The following KIAA0513 variants were observed in gnomAD, a reference collection of about 807,000 sequenced individuals.
KIAA0513 encodes KIAA0513, also known as uncharacterized protein KIAA0513.
A neutral mutation model predicts 56.5 loss-of-function variants in KIAA0513; 39 were observed. The ratio of observed to expected loss-of-function variants is 0.69; its 90% CI spans 0.53 to 0.90. The LOEUF (loss-of-function observed/expected upper bound fraction) is 0.90, where lower values mean the gene tolerates loss of function less well. KIAA0513 is among the 40% of genes least tolerant of loss of function. The pLI is 0.00. For synonymous variants in KIAA0513, 268 were observed against 215.6 expected (o/e 1.24, Z -2.13); for missense variants, 591 against 535.2 (o/e 1.10, Z -1.03).
intron 1 of KIAA0513, among the ~76,000 whole-genome samples, chr16:85,047,497 C>A (rs923399917): frequency 6.6e-6 from 1 of 152,150 alleles, no homozygotes; most frequent in African/African-American, 2.4e-5. Flanking sequence ...GAAGAGGACA[C>A]GGAGAAAAAA....
intron 1 of KIAA0513, among the ~76,000 whole-genome samples, chr16:85,056,719 A>G (rs2073335750): frequency 1.3e-5 from 2 of 152,058 alleles, no homozygotes; most frequent in Admixed American, 6.5e-5. Flanking sequence ...TCTTGTTTTG[A>G]GGTGGGGTCT....
chr16:85,043,372 G>C (rs1421145244), intron 1 of KIAA0513, among the ~76,000 whole-genome samples: 1 of 150,492 alleles, frequency 6.6e-6, no homozygotes, highest in Non-Finnish European at 1.5e-5. Flanking sequence ...GGCATGAGAT[G>C]GCAGGGTTTG....
At position 85,075,195 on chromosome 16, in the gene KIAA0513, A is replaced by G. The variant is rs796306563; in HGVS notation, c.504-649A>G. On this transcript the variant is annotated intron_variant, in intron 4 of 12. Transcript: ENST00000683363. Reference sequence around the variant, plus strand: ...TACTAGTTTAGTTGATTAGTTTTTTATATAAAAAGATAAAAATGGCCTTTA... The same window carrying G: ...TACTAGTTTAGTTGATTAGTTTTTTGTATAAAAAGATAAAAATGGCCTTTA... Among the ~76,000 whole-genome samples, 13 of 148,566 alleles carry G rather than the reference A, an allele frequency of 8.8e-5. 1 individual carries two copies. Among genetic ancestry groups the G allele is most frequent in the African/African-American group, 3.2e-4 (13 of 40,264 alleles).
At chr16:85,040,891 G>A (rs550209916) in intron 1 of KIAA0513, among the ~76,000 whole-genome samples, 1 of 152,156 alleles carries the variant, frequency 6.6e-6, no homozygotes, top group African/African-American at 2.4e-5. Context: ...ATTTAGATAC[G>A]CTTGAAGCAA....
rs1567548991 is a variant in KIAA0513 at position 85,087,159 on chromosome 16, G to C, written c.1179G>C (p.Leu393=). 1.2e-6 allele frequency: 2 copies of C among 1,613,764 alleles called. No homozygotes were observed. The highest frequency in any genetic ancestry group is 1.3e-5 in the African/African-American group (1 of 75,054). ...FLKKQAVIGN[L]DEEQYKLLSD... ...AGAAGCAGGCTGTGATTGGCAACCTGGATGAAGGTGCGTCTGGGGGAGGCT... is the reference window on the plus strand; with the variant it reads ...AGAAGCAGGCTGTGATTGGCAACCTCGATGAAGGTGCGTCTGGGGGAGGCT... Residue 393 remains leucine (L), a synonymous_variant, in exon 12 of 13, where the codon CTG becomes CTC. Transcript: ENST00000683363.
At position 85,087,448 on chromosome 16, in the gene KIAA0513, C is replaced by T. The variant is rs569519568; in HGVS notation, c.1186+282C>T. Among the ~76,000 whole-genome samples, 61 of 152,304 alleles carry T rather than the reference C, an allele frequency of 4.0e-4. 1 individual carries two copies. In the South Asian group the frequency reaches 9.7e-3, roughly 24 times the overall value. On this transcript the variant is annotated intron_variant, in intron 12 of 12. Coordinates refer to ENST00000683363, the MANE Select transcript of KIAA0513 (RefSeq NM_001388359.1). The stretch of plus-strand genomic sequence containing the variant: ...AGTCAGGGCAGAGGAAGAAGGGGGA[C>T]GCGGCACTGGGACTCAGCTTGCACG...
chr16:85,079,112 C>T (rs1672251522), intron 8 of KIAA0513, 109 bp downstream of exon 8: 6 of 1,574,464 alleles, frequency 3.8e-6, no homozygotes, highest in Non-Finnish European at 5.2e-6. Context: ...GCAGAATTCT[C>T]ACACTCACCA....
rs780971932 is a variant in KIAA0513 at position 85,078,484 on chromosome 16, C to T, written c.823+29C>T. ...AGTCTGCCCAGGCAGCAGCAGGAGA[C>T]GCCCAGCCCACAGCCCCTCAGCCAG... is the stretch of plus-strand genomic sequence containing the variant. On this transcript the variant is annotated intron_variant, in intron 7 of 12. Transcript: ENST00000683363. 32 of 1,608,802 alleles carry T rather than the reference C, an allele frequency of 2.0e-5. 1 individual carries two copies. The highest frequency in any genetic ancestry group is 6.6e-5 in the South Asian group (6 of 90,926).
At chr16:85,053,257 C>G (rs944560171) in intron 1 of KIAA0513, among the ~76,000 whole-genome samples, 1 of 152,196 alleles carries the variant, frequency 6.6e-6, no homozygotes, top group African/African-American at 2.4e-5. Context: ...CATGTTGTTT[C>G]TACATCATGC....
rs141434046 is a variant in KIAA0513 at position 85,081,517 on chromosome 16, C to G, written c.980+125C>G. On this transcript the variant is annotated intron_variant, in intron 9 of 12. Transcript: ENST00000683363. This position sits in a 1 kb window ranked among gnomAD's most constrained non-coding sequence, Gnocchi z 4.4. Reference sequence around the variant, plus strand: ...GGACGTGTCTGTTTTTTCTTCACCCCCTCATGGCCCTGGTGCCTCGCAAGC... The same window carrying G: ...GGACGTGTCTGTTTTTTCTTCACCCGCTCATGGCCCTGGTGCCTCGCAAGC... 2.3e-6 allele frequency: 2 copies of G among 858,542 alleles called. No homozygotes were observed. The highest frequency in any genetic ancestry group is 2.0e-5 in the Admixed American group (1 of 49,248). The allele number at this position is 858,542 out of a possible 1,614,324, so 53.2% of individuals were successfully genotyped here. A position where few individuals can be genotyped will look rare whatever the true frequency, so the allele number is the denominator to read the frequency against.
intron 1 of KIAA0513, among the ~76,000 whole-genome samples, chr16:85,041,263 G>T (rs1002701766): frequency 6.6e-6 from 1 of 152,126 alleles, no homozygotes; most frequent in Non-Finnish European, 1.5e-5. Flanking sequence ...ACCACCTCAC[G>T]CCTGTCACTT....
intron 1 of KIAA0513, among the ~76,000 whole-genome samples, chr16:85,033,468 C>T (rs534199670): frequency 7.2e-5 from 11 of 152,312 alleles, no homozygotes; most frequent in African/African-American, 1.9e-4. Context: ...AAATAAATGG[C>T]GCGGGTGAAT....
chr16:85,086,270 C>A (rs1250161930), intron 10 of KIAA0513, among the ~76,000 whole-genome samples: 1 of 152,258 alleles, frequency 6.6e-6, no homozygotes, highest in Non-Finnish European at 1.5e-5. Flanking sequence ...CTGGAGGTTT[C>A]TCCCCTGAGG....
chr16:85,031,318 C>T (rs561697774), intron 1 of KIAA0513, among the ~76,000 whole-genome samples: 1 of 152,100 alleles, frequency 6.6e-6, no homozygotes, highest in South Asian at 2.1e-4. Context: ...CCGTCTTTAC[C>T]AAAAAATAAA....
Position 85,060,350 on chromosome 16 carries a change from G to A in KIAA0513, c.-172-6550G>A, listed in dbSNP as rs141592977. 6.8e-3 allele frequency among the ~76,000 whole-genome samples: 1,035 copies of A among 152,216 alleles called. 5 individuals carry two copies. The highest frequency in any genetic ancestry group is 0.011 in the Non-Finnish European group (738 of 67,986). On this transcript the variant is annotated intron_variant, in intron 1 of 12. Coordinates refer to ENST00000683363, the MANE Select transcript of KIAA0513 (RefSeq NM_001388359.1). Reference sequence around the variant, plus strand: ...GGCTGCCAGGGAGTTGGCAAACTAGGTACTTTAGTCAGCGGTGGAGAGGAG... The same window carrying A: ...GGCTGCCAGGGAGTTGGCAAACTAGATACTTTAGTCAGCGGTGGAGAGGAG...
rs895512962 is a variant in KIAA0513 at position 85,090,852 on chromosome 16, G to C, written c.*2527G>C. Reference sequence around the variant, plus strand: ...TGCTTGGAGAAGGCTCAGTGTGCCTGGGACAGGGCTTACCACCTGCCACCA... The same window carrying C: ...TGCTTGGAGAAGGCTCAGTGTGCCTCGGACAGGGCTTACCACCTGCCACCA... On this transcript the variant is annotated 3_prime_UTR_variant, in exon 13 of 13. Coordinates refer to ENST00000683363, the MANE Select transcript of KIAA0513 (RefSeq NM_001388359.1). The C allele has an allele frequency of 6.6e-6, 1 of 152,444 alleles. No homozygotes were observed. Among genetic ancestry groups the C allele is most frequent in the African/African-American group, 2.4e-5 (1 of 41,458 alleles). The allele number at this position is 152,444 out of a possible 1,614,324, so 9.4% of individuals were successfully genotyped here.
At chr16:85,069,668 A>G (rs2073543323) in intron 2 of KIAA0513, among the ~76,000 whole-genome samples, 1 of 151,850 alleles carries the variant, frequency 6.6e-6, no homozygotes, top group African/African-American at 2.4e-5. Context: ...AGCACACTAG[A>G]TAAGGATGGT....
At chr16:85,071,691 G>C (rs1362252355) in intron 2 of KIAA0513, 92 bp from the exon 3 acceptor site, 6 of 1,052,212 alleles carry the variant, frequency 5.7e-6, no homozygotes, top group South Asian at 3.1e-5. Flanking sequence ...GGAATATTTC[G>C]TTAGTTCCTT....
intron 1 of KIAA0513, among the ~76,000 whole-genome samples, chr16:85,028,496 G>T (rs185546948): frequency 1.3e-5 from 2 of 152,288 alleles, no homozygotes; most frequent in East Asian, 3.9e-4. Context: ...TTGCAGGGAG[G>T]ATAGCAATGG....
Sources: allele counts gnomAD v4.1 joint callset (sites outside exome capture counted in the v4.1 genomes callset), GRCh38; gene constraint gnomAD v4.1.1; non-coding constraint Gnocchi (gnomAD v3.1); transcripts MANE v1.5; gene names NCBI Gene and HGNC (gene_info 2026-07-23, HGNC 2026-07-21).